The following EPB41L3 variants were observed in gnomAD, a reference collection of about 807,000 sequenced individuals.
EPB41L3 encodes band 4.1-like protein 3.
A neutral mutation model predicts 127.1 loss-of-function variants in EPB41L3; 57 were observed. That is an observed-to-expected ratio of 0.45 (90% CI 0.36 to 0.56). The LOEUF (loss-of-function observed/expected upper bound fraction) is 0.56. EPB41L3 is among the 20% of genes least tolerant of loss of function. The pLI is 0.00. For synonymous variants in EPB41L3, 572 were observed against 549.5 expected (o/e 1.04, Z -0.57); for missense variants, 1,273 against 1,372.2 (o/e 0.93, Z 1.14).
At chr18:5,547,028 C>T, upstream of EPB41L3, among the ~76,000 whole-genome samples, 1 of 143,472 alleles carries the variant, frequency 7.0e-6, no homozygotes. Context: ...TATTAGGGGC[C>T]TATAAAACTA....
chr18:5,396,199 A>T lies in EPB41L3; in HGVS notation c.2973+2T>A, dbSNP rs2073425976. ...GGCTCTGGTCTTCACAGAATATCTC[A>T]CCTGTGATGATTCATATGTGATGGT... On this transcript the variant is annotated splice_donor_variant, in intron 19 of 22. Transcript: ENST00000341928. LOFTEE classifies it high-confidence loss of function. 5.0e-6 allele frequency: 8 copies of T among 1,613,734 alleles called. No homozygotes were observed. In the Admixed American group the frequency reaches 1.3e-4, roughly 27 times the overall value.
chr18:5,530,292 A>T (rs1414963343), intron 1 of EPB41L3, among the ~76,000 whole-genome samples: 1 of 152,194 alleles, frequency 6.6e-6, no homozygotes, highest in Admixed American at 6.5e-5. Context: ...ATAAAGCTAG[A>T]CTGCTATGGT....
upstream of EPB41L3, among the ~76,000 whole-genome samples, chr18:5,544,677 T>C (rs1334499583): frequency 1.3e-5 from 2 of 152,196 alleles, no homozygotes; most frequent in East Asian, 3.8e-4. Flanking sequence ...AACCAAGATA[T>C]TTAAGAAATA....
At chr18:5,600,150 C>T (rs1195322165) in intron 3 of EPB41L3, among the ~76,000 whole-genome samples, 4 of 152,032 alleles carry the variant, frequency 2.6e-5, no homozygotes, top group Admixed American at 6.6e-5. Context: ...AAAATTTAAG[C>T]ACCTGTTTAC....
At chr18:5,400,670 G>A in intron 16 of EPB41L3, 1 of 481,062 alleles carries the variant, frequency 2.1e-6, no homozygotes, top group Non-Finnish European at 4.0e-6. Context: ...GACTCTACAG[G>A]TAAAAACAGG....
intron 1 of EPB41L3, among the ~76,000 whole-genome samples, chr18:5,537,678 C>G (rs867015119): frequency 6.6e-6 from 1 of 152,172 alleles, no homozygotes; most frequent in East Asian, 1.9e-4. Flanking sequence ...CCTCCCATTA[C>G]TCCCCAGCAT....
chr18:5,571,659 G>C (rs1045604570), intron 3 of EPB41L3, among the ~76,000 whole-genome samples: 4 of 152,186 alleles, frequency 2.6e-5, no homozygotes, highest in Non-Finnish European at 5.9e-5. Context: ...GTTATTTTTG[G>C]AGAAAGATTT....
Position 5,529,220 on chromosome 18 carries a change from C to T in EPB41L3, c.-12+14693G>A, listed in dbSNP as rs574493098. 2.0e-5 allele frequency among the ~76,000 whole-genome samples: 3 copies of T among 152,288 alleles called. No individual in the cohort carries two copies. The South Asian group carries it at 6.2e-4, about 32-fold the overall frequency. Reference sequence around the variant, plus strand: ...CCTGTCACAATTTTAAATACAGCCCCTCAGCTACATAGGAGGTAAACATTT... The same window carrying T: ...CCTGTCACAATTTTAAATACAGCCCTTCAGCTACATAGGAGGTAAACATTT... On this transcript the variant is annotated intron_variant, in intron 1 of 22. Transcript: ENST00000341928.
intron 3 of EPB41L3, among the ~76,000 whole-genome samples, chr18:5,561,061 T>A (rs1354494081): frequency 3.4e-5 from 5 of 147,464 alleles, no homozygotes; most frequent in African/African-American, 1.3e-4. Flanking sequence ...CACTGCAAGC[T>A]CCGCCTCCCA....
chr18:5,536,071 C>G (rs1026816611), intron 1 of EPB41L3, among the ~76,000 whole-genome samples: 10 of 152,066 alleles, frequency 6.6e-5, no homozygotes, highest in African/African-American at 2.4e-4. Flanking sequence ...GATGGGCACC[C>G]AGGAACTCAG....
At chr18:5,398,262 G>A (rs892547554) in intron 16 of EPB41L3, 119 bp from the exon 17 acceptor site, 12 of 1,169,322 alleles carry the variant, frequency 1.0e-5, no homozygotes, top group East Asian at 2.4e-5. Context: ...GAGGAAGAAC[G>A]AAGGAATCTC....
At chr18:5,590,272 CT>C (rs1472235441) in intron 3 of EPB41L3, among the ~76,000 whole-genome samples, 2 of 152,138 alleles carry the variant, frequency 1.3e-5, no homozygotes. Flanking sequence ...CCCAGTGCAC[CT>C]CTGACTCTGC....
At position 5,543,893 on chromosome 18, in the gene EPB41L3, C is replaced by G. The variant is rs2093825373; in HGVS notation, c.-12+20G>C. 14 of 985,588 alleles carry G rather than the reference C, an allele frequency of 1.4e-5. No homozygotes were observed. Among genetic ancestry groups the G allele is most frequent in the Non-Finnish European group, 1.6e-5 (13 of 830,100 alleles). 61.1% of individuals were successfully genotyped at this position (985,588 alleles called of 1,614,324 possible). A position where few individuals can be genotyped will look rare whatever the true frequency, so the allele number is the denominator to read the frequency against. Reference sequence around the variant, plus strand: ...CGAGACCCCCTCGCAGTCCCCCACTCCGAGAGGCGGAAAAGTTACCTGGGA... The same window carrying G: ...CGAGACCCCCTCGCAGTCCCCCACTGCGAGAGGCGGAAAAGTTACCTGGGA... On this transcript the variant is annotated intron_variant, in intron 1 of 22. Coordinates refer to ENST00000341928, the MANE Select transcript of EPB41L3 (RefSeq NM_012307.5). The surrounding 1 kb of genome is among the most constrained non-coding windows in gnomAD (Gnocchi z 5.2).
intron 16 of EPB41L3, among the ~76,000 whole-genome samples, chr18:5,403,089 A>AT (rs1228149481): frequency 1.3e-5 from 2 of 152,204 alleles, no homozygotes; most frequent in African/African-American, 4.8e-5. Flanking sequence ...ACTAAGGAAT[A>AT]TAACTCTAAC....
At chr18:5,494,580 C>T (rs537562185) in intron 1 of EPB41L3, among the ~76,000 whole-genome samples, 35 of 151,976 alleles carry the variant, frequency 2.3e-4, no homozygotes, top group Non-Finnish European at 4.1e-4. Context: ...TCGCTTGAAC[C>T]GGGGAGGCAG....
rs144095996 is a variant in EPB41L3 at position 5,451,524 on chromosome 18, C to T, written c.382-6280G>A. ...GCAGCACTTTCTATATTCTGCCTTACATCCCAGCTGTGTCTCTGGGCACTC... is the reference window on the plus strand; with the variant it reads ...GCAGCACTTTCTATATTCTGCCTTATATCCCAGCTGTGTCTCTGGGCACTC... On this transcript the variant is annotated intron_variant, in intron 3 of 22. Coordinates refer to ENST00000341928, the MANE Select transcript of EPB41L3 (RefSeq NM_012307.5). Among the ~76,000 whole-genome samples, 554 of 152,340 alleles carry T rather than the reference C, an allele frequency of 3.6e-3. 7 individuals carry two copies. Among genetic ancestry groups the T allele is most frequent in the African/African-American group, 0.013 (525 of 41,582 alleles).
chr18:5,601,138 T>C (rs1303202283), intron 3 of EPB41L3, among the ~76,000 whole-genome samples: 1 of 152,020 alleles, frequency 6.6e-6, no homozygotes, highest in Non-Finnish European at 1.5e-5. Flanking sequence ...TTTGAAGACG[T>C]TGGGAGGGGG....
chr18:5,469,773 ATTTTT>A (rs534492142), intron 3 of EPB41L3, among the ~76,000 whole-genome samples: 1 of 139,072 alleles, frequency 7.2e-6, no homozygotes. Context: ...TGTAGAATGA[ATTTTT>A]TTTTTTTTTT....
At chr18:5,544,107 A>G (rs2093832621), upstream of EPB41L3, 4 of 985,558 alleles carry the variant, frequency 4.1e-6, no homozygotes, top group Non-Finnish European at 2.4e-6. Flanking sequence ...CCACGCCCAG[A>G]GACCGTGCGA....
Sources: allele counts gnomAD v4.1 joint callset (sites outside exome capture counted in the v4.1 genomes callset), GRCh38; gene constraint gnomAD v4.1.1; non-coding constraint Gnocchi (gnomAD v3.1); transcripts MANE v1.5; gene names NCBI Gene and HGNC (gene_info 2026-07-23, HGNC 2026-07-21).